The following CNBD1 variants were observed in gnomAD, a reference collection of about 807,000 sequenced individuals.
The protein encoded by CNBD1 is cyclic nucleotide binding domain containing 1.
A neutral mutation model predicts 54.4 loss-of-function variants in CNBD1; 71 were observed. That is an observed-to-expected ratio of 1.30 (90% CI 1.08 to 1.59). The LOEUF is 1.59. Among genes scored for constraint, CNBD1 ranks in the 40% most tolerant of loss-of-function variants. CNBD1 has a pLI of 0.00. For missense variants in CNBD1, 659 were observed against 518.0 expected (o/e 1.27, Z -2.64); for synonymous variants, 182 against 170.7 (o/e 1.07, Z -0.51).
intron 6 of CNBD1, among the ~76,000 whole-genome samples, chr8:87,267,966 A>G (rs1808295439): frequency 6.6e-6 from 1 of 152,030 alleles, no homozygotes; most frequent in Non-Finnish European, 1.5e-5. Context: ...CTGTTTGCTT[A>G]TATGTTTTAG....
intron 4 of CNBD1, among the ~76,000 whole-genome samples, chr8:87,002,609 C>T (rs976864784): frequency 2.7e-5 from 4 of 150,294 alleles, no homozygotes; most frequent in Admixed American, 6.6e-5. Flanking sequence ...TTTCAAATAT[C>T]CCATGCTAAG....
chr8:87,239,617 T>G (rs1339442204), intron 6 of CNBD1, among the ~76,000 whole-genome samples: 1 of 152,190 alleles, frequency 6.6e-6, no homozygotes, highest in African/African-American at 2.4e-5. Flanking sequence ...TCCAACAGTT[T>G]GGTAAACTAA....
chr8:87,400,374 A>G (rs1807535467), intron 2 of CNBD1, among the ~76,000 whole-genome samples: 1 of 151,990 alleles, frequency 6.6e-6, no homozygotes, highest in Non-Finnish European at 1.5e-5. Flanking sequence ...GTAGAATTGA[A>G]TTCCTGAAAG....
chr8:87,111,545 C>T (rs1419127715), intron 4 of CNBD1, among the ~76,000 whole-genome samples: 1 of 152,102 alleles, frequency 6.6e-6, no homozygotes, highest in African/African-American at 2.4e-5. Context: ...TGCAGTTATT[C>T]CTCAAATAGA....
downstream of CNBD1, among the ~76,000 whole-genome samples, chr8:87,386,389 C>T (rs193179155): frequency 2.2e-3 from 335 of 151,964 alleles, 3 homozygotes; most frequent in African/African-American, 7.6e-3. Context: ...GAATGGCTAA[C>T]GAGAATAACC....
rs551261797 is a variant in CNBD1 at position 87,425,365 on chromosome 8, G to A, written c.214-3181G>A. On this transcript the variant is annotated intron_variant, in intron 2 of 7. Transcript: ENST00000521593. ...AGCTTTGTTCCGTTGCTGGTGAGGA[G>A]CTGCGTTCCTTTGGAGGAGGAGAGG... 1.9e-4 allele frequency among the ~76,000 whole-genome samples: 29 copies of A among 152,326 alleles called. No individual in the cohort carries two copies. The East Asian group carries it at 3.3e-3, about 17-fold the overall frequency.
intron 4 of CNBD1, among the ~76,000 whole-genome samples, chr8:87,136,251 T>C (rs1311071595): frequency 6.6e-6 from 1 of 151,886 alleles, no homozygotes; most frequent in Non-Finnish European, 1.5e-5. Context: ...CTTATTTTCA[T>C]GGTTAATTTA....
intron 8 of CNBD1, among the ~76,000 whole-genome samples, chr8:87,338,795 C>G: frequency 6.6e-6 from 1 of 151,854 alleles, no homozygotes; most frequent in African/African-American, 2.4e-5. Context: ...GTTAATATGT[C>G]TTGTAATTTT....
At chr8:86,999,064 T>C (rs1273180518) in intron 4 of CNBD1, among the ~76,000 whole-genome samples, 1 of 152,246 alleles carries the variant, frequency 6.6e-6, no homozygotes, top group Non-Finnish European at 1.5e-5. Flanking sequence ...TAAATGTCCA[T>C]GCCATTGATA....
chr8:87,017,369 T>C (rs568673358), intron 4 of CNBD1, among the ~76,000 whole-genome samples: 24 of 152,262 alleles, frequency 1.6e-4, no homozygotes, highest in African/African-American at 5.8e-4. Context: ...GCATAGCCTT[T>C]TGTGTGGAGC....
At chr8:86,873,005 T>C (rs1221475004) in intron 1 of CNBD1, among the ~76,000 whole-genome samples, 1 of 152,084 alleles carries the variant, frequency 6.6e-6, no homozygotes, top group Non-Finnish European at 1.5e-5. Flanking sequence ...GCCCAGGAAT[T>C]TGAGGTGAAT....
At chr8:86,959,821 GTT>G (rs1221813416) in intron 4 of CNBD1, among the ~76,000 whole-genome samples, 4 of 152,140 alleles carry the variant, frequency 2.6e-5, no homozygotes, top group Admixed American at 2.6e-4. Flanking sequence ...AGAGAAGTTT[GTT>G]ATTACTGATC....
intron 5 of CNBD1, among the ~76,000 whole-genome samples, chr8:87,212,423 ATAAAGT>A (rs1460150578): frequency 6.6e-6 from 1 of 152,184 alleles, no homozygotes; most frequent in East Asian, 1.9e-4. Context: ...AAAACAAATG[ATAAAGT>A]TGAAGGACTC....
chr8:86,935,866 G>A (rs941772677), intron 3 of CNBD1, among the ~76,000 whole-genome samples: 2 of 148,764 alleles, frequency 1.3e-5, no homozygotes, highest in African/African-American at 2.5e-5. Context: ...ATTTGGGGCT[G>A]AGCATAGTGA....
At chr8:87,115,691 G>A (rs913216669) in intron 4 of CNBD1, among the ~76,000 whole-genome samples, 1 of 152,050 alleles carries the variant, frequency 6.6e-6, no homozygotes, top group Non-Finnish European at 1.5e-5. Flanking sequence ...AGAATTGAGA[G>A]CCTAAAAAAG....
At chr8:87,100,668 G>T (rs1025359073) in intron 4 of CNBD1, among the ~76,000 whole-genome samples, 2 of 152,032 alleles carry the variant, frequency 1.3e-5, no homozygotes, top group African/African-American at 2.4e-5. Flanking sequence ...TAGAGATGGG[G>T]TTTCACCATC....
At position 86,956,394 on chromosome 8, in the gene CNBD1, G is replaced by A. The variant is rs531304363; in HGVS notation, c.431+16640G>A. On this transcript the variant is annotated intron_variant, in intron 4 of 10. Coordinates refer to ENST00000518476, the MANE Select transcript of CNBD1 (RefSeq NM_173538.3). ...AAGTCATTGGTAGCTTGATGGGGATGGCATTGAATCTATAAATTACCTTGG... is the reference window on the plus strand; with the variant it reads ...AAGTCATTGGTAGCTTGATGGGGATAGCATTGAATCTATAAATTACCTTGG... 3.3e-5 allele frequency among the ~76,000 whole-genome samples: 5 copies of A among 152,254 alleles called. No individual in the cohort carries two copies. In the East Asian group the frequency reaches 9.6e-4, roughly 29 times the overall value.
chr8:86,883,279 A>G (rs928144020), intron 1 of CNBD1, among the ~76,000 whole-genome samples: 1 of 152,156 alleles, frequency 6.6e-6, no homozygotes, highest in Non-Finnish European at 1.5e-5. Flanking sequence ...TTATATGGCA[A>G]AATAAACATG....
chr8:87,393,265 T>C (rs376555652), intron 2 of CNBD1, among the ~76,000 whole-genome samples: 6 of 151,998 alleles, frequency 3.9e-5, no homozygotes, highest in African/African-American at 1.4e-4. Flanking sequence ...CTGACTGGAC[T>C]CAAGCATAGG....
Sources: gnomAD v4.1 joint callset for allele counts (sites outside exome capture counted in the v4.1 genomes callset) on GRCh38, gnomAD v4.1.1 for gene constraint, MANE v1.5 for transcripts, NCBI Gene and HGNC (gene_info 2026-07-23, HGNC 2026-07-21) for gene names.